Variants in ANKH observed in about 807,000 individuals in gnomAD.
The protein encoded by ANKH is ANKH inorganic pyrophosphate transport regulator.
A neutral mutation model predicts 49.0 loss-of-function variants in ANKH; 15 were observed. The observed-to-expected ratio is 0.31, with a 90% CI of 0.20 to 0.47. The LOEUF is 0.47. ANKH is among the 20% of genes least tolerant of loss of function. The pLI is 1.00. For missense variants in ANKH, 429 were observed against 652.0 expected (o/e 0.66, Z 3.72); for synonymous variants, 273 against 260.0 (o/e 1.05, Z -0.48).
chr5:14,807,221 C>T (rs1423540428), intron 1 of ANKH, among the ~76,000 whole-genome samples: 1 of 151,152 alleles, frequency 6.6e-6, no homozygotes, highest in African/African-American at 2.4e-5. Flanking sequence ...CTCAAGTGAT[C>T]CTCCTACCTC....
At position 14,751,111 on chromosome 5, in the gene ANKH, G is replaced by A. The variant is rs907198998; in HGVS notation, c.645C>T (p.Asn215=). The change falls in exon 5 of 12, where the codon AAC becomes AAT. Residue 215 remains asparagine (N), a synonymous_variant. Transcript: ENST00000284268. The stretch of plus-strand genomic sequence containing the variant: ...TTCTGTCAGGGATGATGTCGTGAAT[G>A]TTCTTGTAGTAGCCCAGGCACAGGG... ...CTTLCLGYYK[N]IHDIIPDRSG... 1.2e-6 allele frequency: 2 copies of A among 1,614,138 alleles called. No homozygotes were observed. Among genetic ancestry groups the A allele is most frequent in the Non-Finnish European group, 1.7e-6 (2 of 1,180,054 alleles).
At chr5:14,730,577 C>T (rs1172829489) in intron 8 of ANKH, among the ~76,000 whole-genome samples, 1 of 152,158 alleles carries the variant, frequency 6.6e-6, no homozygotes, top group Non-Finnish European at 1.5e-5. Context: ...CACCTGAGGG[C>T]AGGGGTTTGG....
At chr5:14,742,574 T>C (rs1738395843) in intron 7 of ANKH, among the ~76,000 whole-genome samples, 1 of 152,208 alleles carries the variant, frequency 6.6e-6, no homozygotes. Flanking sequence ...TCTCTGACCT[T>C]TGACCTCCAA....
At chr5:14,793,006 A>AC (rs1423660178) in intron 1 of ANKH, among the ~76,000 whole-genome samples, 1 of 57,130 alleles carries the variant, frequency 1.8e-5, no homozygotes, top group Non-Finnish European at 4.6e-5. Context: ...ATATATATAT[A>AC]AATATATATA....
In ANKH at chr5:14,770,187, G is replaced by C. The variant is rs1488048537; in HGVS notation, c.97-996C>G. 6.6e-6 allele frequency among the ~76,000 whole-genome samples: 1 copy of C among 152,170 alleles called. No homozygotes were observed. The highest frequency in any genetic ancestry group is 1.5e-5 in the Non-Finnish European group (1 of 68,030). On this transcript the variant is annotated intron_variant, in intron 1 of 11. Transcript: ENST00000284268. This position sits in a 1 kb window ranked among gnomAD's most constrained non-coding sequence, Gnocchi z 4.1. ...GCAGTTTTAGGTTCACAGTAAAATT[G>C]AGCAGAAAGTACAGAGCATTCCCAT...
chr5:14,739,185 G>A (rs1239804684), intron 8 of ANKH, among the ~76,000 whole-genome samples: 1 of 152,226 alleles, frequency 6.6e-6, no homozygotes, highest in Non-Finnish European at 1.5e-5. Flanking sequence ...GGGAGGCCGA[G>A]GCGGGCAGAT....
At chr5:14,814,393 G>A (rs936796235) in intron 1 of ANKH, among the ~76,000 whole-genome samples, 1 of 152,152 alleles carries the variant, frequency 6.6e-6, no homozygotes, top group Non-Finnish European at 1.5e-5. Context: ...TTGAGCCCAG[G>A]AGCTTGAGAC....
At chr5:14,724,715 C>T (rs974995601) in intron 8 of ANKH, 5 of 319,732 alleles carry the variant, frequency 1.6e-5, no homozygotes, top group East Asian at 1.7e-4. Context: ...CATTTGGAAC[C>T]GGGATATGAA....
At chr5:14,868,761 T>G (rs545521574) in intron 1 of ANKH, 1 of 151,810 alleles carries the variant, frequency 6.6e-6, no homozygotes, top group South Asian at 2.1e-4. Context: ...AGGCTGGTTT[T>G]GAACTCCTGA....
chr5:14,805,468 C>T (rs113230247), intron 1 of ANKH, among the ~76,000 whole-genome samples: 8 of 133,728 alleles, frequency 6.0e-5, no homozygotes, highest in Admixed American at 1.5e-4. Context: ...TGTACACACA[C>T]ATATATGTTT....
chr5:14,765,523 T>C (rs1739232835), intron 2 of ANKH, among the ~76,000 whole-genome samples: 1 of 152,096 alleles, frequency 6.6e-6, no homozygotes, highest in Non-Finnish European at 1.5e-5. Flanking sequence ...CAGTGGTATC[T>C]AACCCAGCCT....
At chr5:14,829,175 ACT>A (rs1286692182) in intron 1 of ANKH, among the ~76,000 whole-genome samples, 1 of 113,156 alleles carries the variant, frequency 8.8e-6, no homozygotes, top group African/African-American at 3.9e-5. Flanking sequence ...ACAGAGAGAG[ACT>A]CTGTCTCAAA....
chr5:14,786,901 C>G (rs144923378), intron 1 of ANKH, among the ~76,000 whole-genome samples: 3 of 152,314 alleles, frequency 2.0e-5, no homozygotes, highest in Admixed American at 2.0e-4. Context: ...TGACACACAG[C>G]TGATAATAAT....
At chr5:14,744,789 A>G (rs911701381) in intron 7 of ANKH, among the ~76,000 whole-genome samples, 1 of 152,192 alleles carries the variant, frequency 6.6e-6, no homozygotes, top group African/African-American at 2.4e-5. Flanking sequence ...CCCTCTCAGA[A>G]CCCACAAACG....
chr5:14,736,002 CTAACTT>C (rs1322225483), intron 8 of ANKH, among the ~76,000 whole-genome samples: 8 of 140,922 alleles, frequency 5.7e-5, no homozygotes, highest in Admixed American at 3.5e-4. Context: ...GAGTAAAAAC[CTAACTT>C]TTTTTTTTTT....
At chr5:14,741,749 T>G in intron 8 of ANKH, 78 bp downstream of exon 8, 2 of 1,019,336 alleles carry the variant, frequency 2.0e-6, no homozygotes, top group Non-Finnish European at 3.1e-6. Flanking sequence ...AAAATAAGAT[T>G]TCCCCCTTTA....
At chr5:14,845,843 C>CTTTTT (rs59264153) in intron 1 of ANKH, among the ~76,000 whole-genome samples, 8 of 82,566 alleles carry the variant, frequency 9.7e-5, no homozygotes, top group South Asian at 3.6e-4. Flanking sequence ...CCTATGCACA[C>CTTTTT]TTTTTTTTTT....
rs571662640 is a variant in ANKH at position 14,840,201 on chromosome 5, T to A, written c.96+31151A>T. Among the ~76,000 whole-genome samples, 15 of 152,376 alleles carry A rather than the reference T, an allele frequency of 9.8e-5. 1 individual carries two copies. In the South Asian group the frequency reaches 2.9e-3, roughly 29 times the overall value. On this transcript the variant is annotated intron_variant, in intron 1 of 11. Coordinates refer to ENST00000284268, the MANE Select transcript of ANKH (RefSeq NM_054027.6). Reference sequence around the variant, plus strand: ...CATGAAGAGATCCAATGCTCTTCTATCCTCAACAAGTGAAGTGTCTGGCCA... The same window carrying A: ...CATGAAGAGATCCAATGCTCTTCTAACCTCAACAAGTGAAGTGTCTGGCCA...
At chr5:14,833,559 A>C (rs1461972518) in intron 1 of ANKH, among the ~76,000 whole-genome samples, 3 of 152,188 alleles carry the variant, frequency 2.0e-5, no homozygotes, top group African/African-American at 7.2e-5. Context: ...TCCCAAAGCT[A>C]CAAGAGAAAA....
Sources: allele counts gnomAD v4.1 joint callset (sites outside exome capture counted in the v4.1 genomes callset), GRCh38; gene constraint gnomAD v4.1.1; non-coding constraint Gnocchi (gnomAD v3.1); transcripts MANE v1.5; gene names NCBI Gene and HGNC (gene_info 2026-07-23, HGNC 2026-07-21).